Variants in SIN3B observed in about 807,000 individuals in gnomAD.
SIN3B encodes the protein SIN3 transcription regulator family member B, also known as paired amphipathic helix protein Sin3b.
In SIN3B, 19 loss-of-function variants were observed where a neutral mutation model predicts 120.2. The ratio of observed to expected loss-of-function variants is 0.16; its 90% CI spans 0.11 to 0.23. The LOEUF (loss-of-function observed/expected upper bound fraction) is 0.23. Among genes scored for constraint, SIN3B ranks in the 10% least tolerant of loss-of-function variants. The pLI is 1.00. For synonymous variants in SIN3B, 654 were observed against 653.2 expected (o/e 1.00, Z -0.02); for missense variants, 1,073 against 1,573.0 (o/e 0.68, Z 5.38).
rs2051611838 is a variant in SIN3B at position 16,876,599 on chromosome 19, T to A, written c.2859+21T>A. On this transcript the variant is annotated intron_variant, in intron 16 of 18. Transcript: ENST00000248054. The surrounding 1 kb of genome is among the most constrained non-coding windows in gnomAD (Gnocchi z 7.1). ...TCCAGGTGAGGCCCTGGCCCCAGTC[T>A]GTGCCACGCATACCAGGGAGCGCCT... 1 of 1,594,266 alleles carries A rather than the reference T, an allele frequency of 6.3e-7. No homozygotes were observed. The highest frequency in any genetic ancestry group is 8.6e-7 in the Non-Finnish European group (1 of 1,164,048).
intron 3 of SIN3B, among the ~76,000 whole-genome samples, chr19:16,836,165 G>A (rs1395263048): frequency 6.6e-6 from 1 of 152,182 alleles, no homozygotes; most frequent in Admixed American, 6.5e-5. Flanking sequence ...CCTGCACACT[G>A]AAGGGTATTT....
At chr19:16,865,301 C>G (rs891579892) in intron 10 of SIN3B, 109 bp from the exon 11 acceptor site, 3 of 526,400 alleles carry the variant, frequency 5.7e-6, no homozygotes, top group Admixed American at 2.5e-5. Context: ...CTCTTAAATA[C>G]ACACACCCCC....
Position 16,862,906 on chromosome 19 carries a change from A to G in SIN3B, c.1266+347A>G, listed in dbSNP as rs772602173. The G allele has an allele frequency of 6.2e-7, 1 of 1,614,194 alleles. No homozygotes were observed. Among genetic ancestry groups the G allele is most frequent in the Non-Finnish European group, 8.5e-7 (1 of 1,179,980 alleles). ...TAGCTTGACCATTGGACACTTCTCC[A>G]GGGTTCGTGGACAGACGATTACTGC... On this transcript the variant is annotated intron_variant, in intron 9 of 18. Coordinates refer to ENST00000248054, the MANE Select transcript of SIN3B (RefSeq NM_001297595.2). This position sits in a 1 kb window ranked among gnomAD's most constrained non-coding sequence, Gnocchi z 4.7.
At position 16,841,479 on chromosome 19, in the gene SIN3B, G is replaced by A. The variant is rs547995190; in HGVS notation, c.382-289G>A. Among the ~76,000 whole-genome samples the A allele has an allele frequency of 1.1e-4, 17 of 152,248 alleles. No individual in the cohort carries two copies. The East Asian group carries it at 3.3e-3, about 29-fold the overall frequency. ...CCACAGAGGCTTAAACATCCACTTTGTACATTTCTCCTGAATGTGAAGTTT... is the reference window on the plus strand; with the variant it reads ...CCACAGAGGCTTAAACATCCACTTTATACATTTCTCCTGAATGTGAAGTTT... On this transcript the variant is annotated intron_variant, in intron 3 of 18. Transcript: ENST00000248054.
chr19:16,829,924 AG>A (rs1186742429), intron 2 of SIN3B, 27 bp downstream of exon 2: 24 of 1,540,676 alleles, frequency 1.6e-5, no homozygotes, highest in Non-Finnish European at 2.1e-5. Context: ...TCTCCACCTC[AG>A]GGGACCCCCC....
Position 16,876,282 on chromosome 19 carries a change from G to T in SIN3B, c.2766+54G>T. The T allele has an allele frequency of 6.4e-7, 1 of 1,564,556 alleles. No individual in the cohort carries two copies. On this transcript the variant is annotated intron_variant, in intron 15 of 18. Transcript: ENST00000248054. This position sits in a 1 kb window ranked among gnomAD's most constrained non-coding sequence, Gnocchi z 7.1. ...GCCGGGAGGCCCGGCCGCTCACTCC[G>T]CTCTGGACTCAGTCCTGGGTGGACC...
In SIN3B at chr19:16,869,353, CG is replaced by C. The variant is rs1313788235; in HGVS notation, c.1807-106del. The C allele has an allele frequency of 1.2e-5, 17 of 1,407,554 alleles. No individual in the cohort carries two copies. The Admixed American group carries it at 3.4e-4, about 28-fold the overall frequency. The allele number at this position is 1,407,554 out of a possible 1,614,324, so 87.2% of individuals were successfully genotyped here. On this transcript the variant is annotated intron_variant, in intron 12 of 18. Transcript: ENST00000248054. ...TCGCCACCCATCCTGCTCTGGGCAG[CG>C]CTCATCCACCTTGGTGGCCCAGTTA... is the stretch of plus-strand genomic sequence containing the variant.
intron 12 of SIN3B, among the ~76,000 whole-genome samples, chr19:16,867,529 G>C (rs560250557): frequency 6.6e-6 from 1 of 152,144 alleles, no homozygotes. Context: ...GAAGGTCCTT[G>C]GACACTCTGA....
chr19:16,876,792 ACTC>A lies in SIN3B; in HGVS notation c.2859+220_2859+222del, dbSNP rs2051614513. 5 of 494,094 alleles carry A rather than the reference ACTC, an allele frequency of 1.0e-5. No homozygotes were observed. Among genetic ancestry groups the A allele is most frequent in the Middle Eastern group, 5.3e-4 (1 of 1,876 alleles). 30.6% of individuals were successfully genotyped at this position (494,094 alleles called of 1,614,324 possible). A position where few individuals can be genotyped will look rare whatever the true frequency, so the allele number is the denominator to read the frequency against. On this transcript the variant is annotated intron_variant, in intron 16 of 18. Coordinates refer to ENST00000248054, the MANE Select transcript of SIN3B (RefSeq NM_001297595.2). This position sits in a 1 kb window ranked among gnomAD's most constrained non-coding sequence, Gnocchi z 7.1. ...GTGCCCCCTCTCCAAAGAGCAGACC[ACTC>A]CTCCTGAGCAAGCGGTTGTGTCCCA...
rs1056543241 is a variant in SIN3B, at chr19:16,866,604, T to G, written c.1806+48T>G. 8 of 1,575,804 alleles carry G rather than the reference T, an allele frequency of 5.1e-6. 1 individual carries two copies. In the Middle Eastern group the frequency reaches 1.0e-3, roughly 198 times the overall value. ...CGGCCGGTGGGGGTGGGGTCCTGGC[T>G]CTCCCGACCGCCGGGTCTGTGCCTC... On this transcript the variant is annotated intron_variant, in intron 12 of 18. Coordinates refer to ENST00000248054, the MANE Select transcript of SIN3B (RefSeq NM_001297595.2).
intron 3 of SIN3B, among the ~76,000 whole-genome samples, chr19:16,837,162 G>T (rs1360288905): frequency 6.6e-6 from 1 of 152,002 alleles, no homozygotes. Context: ...GAGTGAGTGG[G>T]TGTGCTTGAG....
intron 5 of SIN3B, among the ~76,000 whole-genome samples, chr19:16,851,010 C>T (rs1242802414): frequency 6.6e-6 from 1 of 152,236 alleles, no homozygotes; most frequent in Non-Finnish European, 1.5e-5. Flanking sequence ...AGCCACTTCC[C>T]CTTGCTGCCT....
At chr19:16,847,865 A>G (rs755111495) in intron 5 of SIN3B, among the ~76,000 whole-genome samples, 1 of 152,192 alleles carries the variant, frequency 6.6e-6, no homozygotes, top group Non-Finnish European at 1.5e-5. Flanking sequence ...GAACATTTTC[A>G]TCCCCCTGAA....
intron 6 of SIN3B, 70 bp downstream of exon 6, chr19:16,851,604 G>A: frequency 6.7e-7 from 1 of 1,500,966 alleles, no homozygotes; most frequent in Non-Finnish European, 8.9e-7. Flanking sequence ...CCCAGCATGT[G>A]ACCAGGGAAC....
intron 8 of SIN3B, among the ~76,000 whole-genome samples, chr19:16,860,157 G>A (rs980839292): frequency 1.3e-5 from 2 of 152,180 alleles, no homozygotes; most frequent in South Asian, 4.1e-4. Flanking sequence ...GAATTGAAGC[G>A]GGCCTCTGCG....
intron 14 of SIN3B, among the ~76,000 whole-genome samples, chr19:16,874,507 CTGATT>C (rs1289587959): frequency 7.2e-6 from 1 of 138,934 alleles, no homozygotes; most frequent in Non-Finnish European, 1.5e-5. Context: ...TTGATTTGGT[CTGATT>C]TGGTCTGCTC....
rs368177077 is a variant in SIN3B, at chr19:16,854,189, G to A, written c.986G>A (p.Arg329His). Reference protein sequence around the residue: ...KSQEVYENFLRCIALFNQELV... With the variant: ...KSQEVYENFLHCIALFNQELV... ...CAGGAGGTGTATGAAAACTTCCTCC[G>A]CTGCATCGCACTCTTCAACCAGGAG... Residue 329 changes from arginine (R) to histidine (H), a missense_variant, in exon 8 of 19, where the codon CGC becomes CAC. Around this residue, in one of 7 missense-constraint regions of SIN3B, gnomAD observed 395 missense variants for 528.0 expected, o/e 0.75. Coordinates refer to ENST00000248054, the MANE Select transcript of SIN3B (RefSeq NM_001297595.2). 3.1e-6 allele frequency: 5 copies of A among 1,612,540 alleles called. No individual in the cohort carries two copies. Among genetic ancestry groups the A allele is most frequent in the Non-Finnish European group, 4.2e-6 (5 of 1,179,940 alleles).
At chr19:16,848,568 C>T (rs1971507812) in intron 5 of SIN3B, among the ~76,000 whole-genome samples, 1 of 151,746 alleles carries the variant, frequency 6.6e-6, no homozygotes, top group Non-Finnish European at 1.5e-5. Context: ...CGTAATTGAT[C>T]ACTGTTCACT....
Position 16,869,805 on chromosome 19 carries a change from G to C in SIN3B, c.2152G>C (p.Asp718His), listed in dbSNP as rs1158574825. ...SPPEEKGAFG[D>H]APATEQPPLP... The stretch of plus-strand genomic sequence containing the variant: ...CCCAGAGGAGAAGGGGGCCTTCGGG[G>C]ATGCCCCGGCCACTGAGCAGCCACC... The change falls in exon 13 of 19, where the codon GAT (aspartate) becomes CAT (histidine). Residue 718 changes from aspartate (D) to histidine (H), a missense_variant. Physicochemically the swap from Asp to His is moderately conservative, Grantham distance 81 (BLOSUM62 -1). Transcript: ENST00000248054. 1.2e-6 allele frequency: 2 copies of C among 1,613,698 alleles called. No homozygotes were observed. Among genetic ancestry groups the C allele is most frequent in the African/African-American group, 2.7e-5 (2 of 75,058 alleles).
Sources: allele counts gnomAD v4.1 joint callset (sites outside exome capture counted in the v4.1 genomes callset), GRCh38; gene constraint gnomAD v4.1.1; regional missense constraint gnomAD v4.1.1; non-coding constraint Gnocchi (gnomAD v3.1); transcripts MANE v1.5; gene names NCBI Gene and HGNC (gene_info 2026-07-23, HGNC 2026-07-21).